SUPT5H: variants seen among roughly 807,000 people sequenced by gnomAD.
SUPT5H encodes SPT5 homolog, DSIF elongation factor subunit.
In SUPT5H, 24 loss-of-function variants were observed where a neutral mutation model predicts 142.5. That is an observed-to-expected ratio of 0.17 (90% CI 0.12 to 0.24). The LOEUF (loss-of-function observed/expected upper bound fraction) is 0.24. SUPT5H is among the 10% of genes least tolerant of loss of function. The pLI is 1.00. For missense variants in SUPT5H, 893 were observed against 1,471.8 expected, an observed-to-expected ratio of 0.61 and a Z score of 6.43; for synonymous variants, 546 against 553.0, an observed-to-expected ratio of 0.99 and a Z score of 0.18.
Position 39,472,279 on chromosome 19 carries a change from G to C in SUPT5H, c.1951-130G>C. On this transcript the variant is annotated intron_variant, in intron 20 of 29. Transcript: ENST00000432763. This position sits in a 1 kb window ranked among gnomAD's most constrained non-coding sequence, Gnocchi z 4.2. Reference sequence around the variant, plus strand: ...AAAGTGTGCAGGACCAGCTGTCACAGAGGAATTCAGGCCTGGGGTGTGGGT... The same window carrying C: ...AAAGTGTGCAGGACCAGCTGTCACACAGGAATTCAGGCCTGGGGTGTGGGT... The C allele has an allele frequency of 1.2e-6, 1 of 819,920 alleles. No homozygotes were observed. The highest frequency in any genetic ancestry group is 2.5e-5 in the East Asian group (1 of 40,224). The allele number at this position is 819,920 out of a possible 1,614,324, so 50.8% of individuals were successfully genotyped here. A position where few individuals can be genotyped will look rare whatever the true frequency, so the allele number is the denominator to read the frequency against.
chr19:39,450,358 C>T (rs2079005766), intron 2 of SUPT5H, among the ~76,000 whole-genome samples: 1 of 152,110 alleles, frequency 6.6e-6, no homozygotes, highest in Non-Finnish European at 1.5e-5. Context: ...TCACTGCAAC[C>T]TCTTCCTTCT....
chr19:39,468,999 A>G, intron 14 of SUPT5H, 80 bp from the exon 15 acceptor site: 1 of 1,572,936 alleles, frequency 6.4e-7, no homozygotes, highest in Non-Finnish European at 8.7e-7. Flanking sequence ...TTCCCCTAGG[A>G]CCCACTCAGC....
rs375421526 is a variant in SUPT5H at position 39,470,896 on chromosome 19, C to T, written c.1677+373C>T. On this transcript the variant is annotated intron_variant, in intron 18 of 29. Transcript: ENST00000432763. The surrounding 1 kb of genome is among the most constrained non-coding windows in gnomAD (Gnocchi z 5.8). ...GCACAGTACTTAGGATCCTGGACTC[C>T]ACATCCACATCTTGGCTTTGTTGCT... is the stretch of plus-strand genomic sequence containing the variant. 2.0e-4 allele frequency among the ~76,000 whole-genome samples: 30 copies of T among 152,176 alleles called. No individual in the cohort carries two copies. In the South Asian group the frequency reaches 6.2e-3, roughly 32 times the overall value.
chr19:39,476,200 A>C (rs573827703), intron 29 of SUPT5H, 24 bp downstream of exon 29: 1 of 1,613,992 alleles, frequency 6.2e-7, no homozygotes, highest in Non-Finnish European at 8.5e-7. Context: ...GCAAGGAGAT[A>C]AGATGGGGCC....
intron 20 of SUPT5H, 59 bp downstream of exon 20, chr19:39,471,789 CCT>C: frequency 1.3e-6 from 2 of 1,568,596 alleles, no homozygotes; most frequent in Non-Finnish European, 8.6e-7. Flanking sequence ...CTCCAAGCCT[CCT>C]CTGGCCCCAG....
At position 39,469,084 on chromosome 19, in the gene SUPT5H, G is replaced by A. The variant is rs201704374; in HGVS notation, c.1149G>A (p.Thr383=). Residue 383 remains threonine, a synonymous_variant, in exon 15 of 30, where the codon ACG becomes ACA. Coordinates refer to ENST00000432763, the MANE Select transcript of SUPT5H (RefSeq NM_001111020.3). The surrounding 1 kb of genome is among the most constrained non-coding windows in gnomAD (Gnocchi z 5.1). ...CCTCACCGCTGGGGGCTTAGATCAC[G>A]GAGGGTGTGAAGCCAACACTCTCTG... ...FKSFAMSAVI[T]EGVKPTLSEL... is the part of the protein sequence containing the mutation. 58 of 1,614,148 alleles carry A rather than the reference G, an allele frequency of 3.6e-5. No individual in the cohort carries two copies. Among genetic ancestry groups the A allele is most frequent in the East Asian group, 2.5e-4 (11 of 44,876 alleles).
Position 39,466,866 on chromosome 19 carries a change from T to G in SUPT5H, c.1037+121T>G, listed in dbSNP as rs577845664. Reference sequence around the variant, plus strand: ...GGTTTAGCCTGTGAATTGGTTAGCTTGGCAGTATAGCCTCAGGCAAGTCAC... The same window carrying G: ...GGTTTAGCCTGTGAATTGGTTAGCTGGGCAGTATAGCCTCAGGCAAGTCAC... On this transcript the variant is annotated intron_variant, in intron 13 of 29. Coordinates refer to ENST00000432763, the MANE Select transcript of SUPT5H (RefSeq NM_001111020.3). This position sits in a 1 kb window ranked among gnomAD's most constrained non-coding sequence, Gnocchi z 4.3. 415 of 912,278 alleles carry G rather than the reference T, an allele frequency of 4.5e-4. 1 individual carries two copies. In the African/African-American group the frequency reaches 6.3e-3, roughly 14 times the overall value. The allele number at this position is 912,278 out of a possible 1,614,324, so 56.5% of individuals were successfully genotyped here.
chr19:39,454,901 AG>A (rs1316362950), intron 3 of SUPT5H, among the ~76,000 whole-genome samples: 2 of 152,192 alleles, frequency 1.3e-5, no homozygotes, highest in Non-Finnish European at 2.9e-5. Flanking sequence ...GCTGGGTAAA[AG>A]CTGTGGGTTC....
chr19:39,467,027 T>C lies in SUPT5H; in HGVS notation c.1037+282T>C, dbSNP rs1008492041. ...TTCGAGACCAGCCTGGGCAACATAA[T>C]GAGATCCCATCTTTTAAAATAATAA... is the stretch of plus-strand genomic sequence containing the variant. On this transcript the variant is annotated intron_variant, in intron 13 of 29. Coordinates refer to ENST00000432763, the MANE Select transcript of SUPT5H (RefSeq NM_001111020.3). 2.0e-5 allele frequency: 7 copies of C among 348,564 alleles called. No homozygotes were observed. The South Asian group carries it at 4.9e-4, about 25-fold the overall frequency. 21.6% of individuals were successfully genotyped at this position (348,564 alleles called of 1,614,324 possible).
intron 9 of SUPT5H, 95 bp downstream of exon 9, chr19:39,459,684 C>A (rs2146096191): frequency 6.6e-7 from 1 of 1,517,304 alleles, no homozygotes; most frequent in East Asian, 2.3e-5. Flanking sequence ...GTCTCCGTGG[C>A]CTGCCAGTCA....
In SUPT5H at chr19:39,469,379, C is replaced by T; in HGVS notation, c.1355C>T (p.Pro452Leu). The change falls in exon 16 of 30, where the codon CCC becomes CTC. Residue 452 changes from proline to leucine, a missense_variant. Physicochemically the swap from Pro to Leu is moderately conservative, Grantham distance 98 (BLOSUM62 -3). Transcript: ENST00000432763. This position sits in a 1 kb window ranked among gnomAD's most constrained non-coding sequence, Gnocchi z 5.1. ...GATGGCAACAAGATCACCATCATGC[C>T]CAAGCATGAGGACCTCAAGGTGGGT... ...SVDGNKITIM[P>L]KHEDLKDMLE... is the part of the protein sequence containing the mutation. 1 of 1,614,222 alleles carries T rather than the reference C, an allele frequency of 6.2e-7. No homozygotes were observed. Among genetic ancestry groups the T allele is most frequent in the Non-Finnish European group, 8.5e-7 (1 of 1,180,042 alleles).
chr19:39,458,345 A>G lies in SUPT5H; in HGVS notation c.319+40A>G, dbSNP rs1239645976. 6.2e-7 allele frequency: 1 copy of G among 1,602,350 alleles called. No homozygotes were observed. Among genetic ancestry groups the G allele is most frequent in the Non-Finnish European group, 8.5e-7 (1 of 1,174,446 alleles). ...AGTGTGATTCCCTGACCTTCCTCCC[A>G]TATCCTGACATTTCCTCCTTCCTGA... On this transcript the variant is annotated intron_variant, in intron 5 of 29. Coordinates refer to ENST00000432763, the MANE Select transcript of SUPT5H (RefSeq NM_001111020.3). This position sits in a 1 kb window ranked among gnomAD's most constrained non-coding sequence, Gnocchi z 4.2.
rs2079047317 is a variant in SUPT5H at position 39,453,528 on chromosome 19, C to T, written c.241+7C>T. 3 of 1,530,294 alleles carry T rather than the reference C, an allele frequency of 2.0e-6. No individual in the cohort carries two copies. Among genetic ancestry groups the T allele is most frequent in the South Asian group, 2.4e-5 (2 of 82,102 alleles). The allele number at this position is 1,530,294 out of a possible 1,614,324, so 94.8% of individuals were successfully genotyped here. On this transcript the variant is annotated splice_region_variant and intron_variant, in intron 3 of 29. Transcript: ENST00000432763. ...TTCATTCTGGACGAGGCTGGTATGT[C>T]ATAGTGCTTGGCCAGTGCCGAGCAG...
chr19:39,448,878 G>A (rs1391684073), intron 2 of SUPT5H, among the ~76,000 whole-genome samples: 3 of 151,426 alleles, frequency 2.0e-5, no homozygotes, highest in Non-Finnish European at 2.9e-5. Context: ...GGTGGATCAC[G>A]AGGTCAGGAG....
At chr19:39,459,393 T>A (rs1031447017) in intron 8 of SUPT5H, 144 bp downstream of exon 8, 38 of 1,330,320 alleles carry the variant, frequency 2.9e-5, no homozygotes, top group Middle Eastern at 2.1e-4. Flanking sequence ...GAGGGCAAGG[T>A]GGCACTTTCT....
intron 9 of SUPT5H, 41 bp downstream of exon 9, chr19:39,459,630 T>G (rs2079135453): frequency 6.8e-6 from 11 of 1,612,244 alleles, no homozygotes; most frequent in Non-Finnish European, 8.5e-6. Flanking sequence ...GGTGGGAGAA[T>G]GAGGGAGGCT....
chr19:39,449,647 GT>G (rs935822271), intron 2 of SUPT5H, among the ~76,000 whole-genome samples: 58 of 145,424 alleles, frequency 4.0e-4, no homozygotes, highest in African/African-American at 7.5e-4. Context: ...GGTTAGTTTG[GT>G]TTTTTTTTTT....
At chr19:39,450,592 C>G (rs1208396186) in intron 2 of SUPT5H, among the ~76,000 whole-genome samples, 1 of 152,164 alleles carries the variant, frequency 6.6e-6, no homozygotes, top group African/African-American at 2.4e-5. Context: ...AGAGCATGTG[C>G]TTCTAGTTCA....
chr19:39,471,245 G>A lies in SUPT5H; in HGVS notation c.1678-112G>A. The A allele has an allele frequency of 3.0e-6, 4 of 1,322,272 alleles. No individual in the cohort carries two copies. The Admixed American group carries it at 8.0e-5, about 26-fold the overall frequency. 81.9% of individuals were successfully genotyped at this position (1,322,272 alleles called of 1,614,324 possible). A position where few individuals can be genotyped will look rare whatever the true frequency, so the allele number is the denominator to read the frequency against. The stretch of plus-strand genomic sequence containing the variant: ...CAGCCAGGGAATTGAGATGCCTTGT[G>A]GAGCTTGGGACTGTCTCCCACAAGG... On this transcript the variant is annotated intron_variant, in intron 18 of 29. Coordinates refer to ENST00000432763, the MANE Select transcript of SUPT5H (RefSeq NM_001111020.3).
Sources: allele counts gnomAD v4.1 joint callset (sites outside exome capture counted in the v4.1 genomes callset), GRCh38; gene constraint gnomAD v4.1.1; non-coding constraint Gnocchi (gnomAD v3.1); transcripts MANE v1.5; gene names NCBI Gene and HGNC (gene_info 2026-07-23, HGNC 2026-07-21).